P2RX7: variants seen among roughly 807,000 people sequenced by gnomAD.
P2RX7 encodes purinergic receptor P2X 7.
P2RX7 carries 62 observed loss-of-function variants against 71.6 expected under a neutral mutation model. That is an observed-to-expected ratio of 0.87 (90% confidence interval 0.71 to 1.07). The LOEUF is 1.07. Ranked by LOEUF, P2RX7 falls within the 50% of genes least tolerant of loss-of-function variation. P2RX7 has a pLI of 0.00. For synonymous variants in P2RX7, 299 were observed against 283.3 expected (o/e 1.06, Z -0.56); for missense variants, 686 against 748.5 (o/e 0.92, Z 0.97).
intron 12 of P2RX7, among the ~76,000 whole-genome samples, chr12:121,183,254 T>A (rs1328748376): frequency 1.3e-5 from 2 of 151,962 alleles, no homozygotes; most frequent in Non-Finnish European, 2.9e-5. Context: ...TTTTTATTTT[T>A]ACTTTTTAAA....
intron 1 of P2RX7, among the ~76,000 whole-genome samples, chr12:121,143,867 C>CT (rs930619804): frequency 1.1e-4 from 17 of 152,160 alleles, no homozygotes; most frequent in African/African-American, 3.9e-4. Flanking sequence ...AAGAAAGTCT[C>CT]TTTTTACAAC....
At chr12:121,180,017 T>C (rs1333317958) in intron 11 of P2RX7, among the ~76,000 whole-genome samples, 1 of 151,704 alleles carries the variant, frequency 6.6e-6, no homozygotes, top group Non-Finnish European at 1.5e-5. Flanking sequence ...GGCATGATGG[T>C]GCATGCCTGT....
In P2RX7 at chr12:121,184,429, A is replaced by G; in HGVS notation, c.1415A>G (p.Asp472Gly). ...LRKEATPRSR[D>G]SPVWCQCGSC... ...AAGGAGGCGACTCCTAGATCCAGGG[A>G]TAGCCCCGTCTGGTGCCAGTGTGGA... The change falls in exon 13 of 13, where the codon GAT becomes GGT. Residue 472 changes from aspartate (D) to glycine (G), a missense_variant. Asp to Gly is a moderately conservative substitution (Grantham distance 94). Transcript: ENST00000328963. The G allele has an allele frequency of 6.2e-7, 1 of 1,614,162 alleles. No homozygotes were observed. Among genetic ancestry groups the G allele is most frequent in the Admixed American group, 1.7e-5 (1 of 60,004 alleles).
At position 121,187,434 on chromosome 12, in the gene P2RX7, G is replaced by A. The variant is rs573562937; in HGVS notation, c.*2632G>A. ...GTGGATTACTACATATGATTTCTTT[G>A]GAGCTTACATTTCTTTACTTCACGA... On this transcript the variant is annotated 3_prime_UTR_variant, in exon 13 of 13. Transcript: ENST00000328963. The A allele has an allele frequency of 6.6e-5, 10 of 152,242 alleles. No individual in the cohort carries two copies. In the East Asian group the frequency reaches 1.7e-3, roughly 26 times the overall value. The allele number at this position is 152,242 out of a possible 1,614,324, so 9.4% of individuals were successfully genotyped here.
intron 8 of P2RX7, among the ~76,000 whole-genome samples, chr12:121,171,031 T>C (rs969537840): frequency 5.9e-5 from 9 of 152,108 alleles, no homozygotes; most frequent in African/African-American, 1.9e-4. Context: ...GTGAAGTGGA[T>C]CAGGCCACCC....
chr12:121,180,020 A>C (rs1883853409), intron 11 of P2RX7, among the ~76,000 whole-genome samples: 1 of 151,920 alleles, frequency 6.6e-6, no homozygotes, highest in Non-Finnish European at 1.5e-5. Context: ...ATGATGGTGC[A>C]TGCCTGTAAT....
Position 121,182,061 on chromosome 12 carries a change from T to TAAAAA in P2RX7, c.1290+1620_1290+1624dup, listed in dbSNP as rs57873643. On this transcript the variant is annotated intron_variant, in intron 12 of 12. Transcript: ENST00000328963. ...CCTGGGCAACAGAACAAGCTCCATC[T>TAAAAA]AAAAAAAAAAAAAAAAAAGTCTTTT... is the stretch of plus-strand genomic sequence containing the variant. Among the ~76,000 whole-genome samples the TAAAAA allele has an allele frequency of 4.8e-3, 615 of 128,912 alleles. 1 individual carries two copies. The highest frequency in any genetic ancestry group is 7.3e-3 in the Non-Finnish European group (443 of 60,530). 84.6% of individuals were successfully genotyped at this position (128,912 alleles called of 152,430 possible).
chr12:121,152,599 A>C (rs986646840), intron 1 of P2RX7, among the ~76,000 whole-genome samples: 10 of 152,132 alleles, frequency 6.6e-5, no homozygotes, highest in African/African-American at 2.4e-5. Context: ...AGCTCACCAC[A>C]ACCTCCATCT....
At chr12:121,161,277 C>T (rs940124196) in intron 4 of P2RX7, among the ~76,000 whole-genome samples, 27 of 152,208 alleles carry the variant, frequency 1.8e-4, no homozygotes, top group African/African-American at 6.0e-4. Context: ...AACTTTCCCC[C>T]TGAATTTCCT....
rs140924868 is a variant in P2RX7, at chr12:121,143,553, GA to G, written c.125+10470del. Reference sequence around the variant, plus strand: ...TGGGCGACAGAGTGAGACCCTATCTGAAAAAAAAAAAATCGGCCAGGCGCGG... The same window carrying G: ...TGGGCGACAGAGTGAGACCCTATCTGAAAAAAAAAAATCGGCCAGGCGCGG... On this transcript the variant is annotated intron_variant, in intron 1 of 12. Coordinates refer to ENST00000328963, the MANE Select transcript of P2RX7 (RefSeq NM_002562.6). Among the ~76,000 whole-genome samples the G allele has an allele frequency of 1.9e-3, 269 of 140,920 alleles. 4 individuals carry two copies. Among genetic ancestry groups the G allele is most frequent in the African/African-American group, 4.0e-3 (154 of 38,598 alleles). 92.4% of individuals were successfully genotyped at this position (140,920 alleles called of 152,430 possible). A position where few individuals can be genotyped will look rare whatever the true frequency, so the allele number is the denominator to read the frequency against.
intron 11 of P2RX7, among the ~76,000 whole-genome samples, chr12:121,180,120 G>C (rs1357151020): frequency 2.4e-5 from 3 of 125,584 alleles, no homozygotes; most frequent in African/African-American, 9.5e-5. Context: ...TTGCACTCCA[G>C]CCTGGCAACA....
intron 1 of P2RX7, among the ~76,000 whole-genome samples, chr12:121,136,889 T>G (rs1873827662): frequency 6.6e-6 from 1 of 152,084 alleles, no homozygotes; most frequent in African/African-American, 2.4e-5. Context: ...GCTCAAGCAA[T>G]CCACCCGCCT....
rs1438256129 is a variant in P2RX7 at position 121,149,406 on chromosome 12, G to A, written c.126-5379G>A. Among the ~76,000 whole-genome samples, 3 of 152,346 alleles carry A rather than the reference G, an allele frequency of 2.0e-5. No individual in the cohort carries two copies. The highest frequency in any genetic ancestry group is 7.2e-5 in the African/African-American group (3 of 41,582). On this transcript the variant is annotated intron_variant, in intron 1 of 12. Transcript: ENST00000328963. This position sits in a 1 kb window ranked among gnomAD's most constrained non-coding sequence, Gnocchi z 4.7. ...AGGAAAGAGGTTTAATGGGCCCACAGTTCCACATGGCTGGGAAGGCCTCAC... is the reference window on the plus strand; with the variant it reads ...AGGAAAGAGGTTTAATGGGCCCACAATTCCACATGGCTGGGAAGGCCTCAC...
At chr12:121,181,718 A>G (rs2567999) in intron 12 of P2RX7, among the ~76,000 whole-genome samples, 58,734 of 151,654 alleles carry the variant, frequency 0.39, 11,819 homozygotes, top group African/African-American at 0.45. Context: ...ATAGCCAGGC[A>G]TGGTGGCGGG....
intron 3 of P2RX7, 98 bp from the exon 4 acceptor site, chr12:121,160,804 A>T: frequency 3.9e-6 from 4 of 1,021,672 alleles, no homozygotes; most frequent in Non-Finnish European, 6.2e-6. Flanking sequence ...TGCTGCTATA[A>T]GCATTCGTGT....
chr12:121,162,093 G>A (rs1879838543), intron 4 of P2RX7, among the ~76,000 whole-genome samples: 1 of 152,118 alleles, frequency 6.6e-6, no homozygotes, highest in Non-Finnish European at 1.5e-5. Context: ...GCCCCTTTGA[G>A]AGGCCATGTT....
At chr12:121,175,310 C>CAAAAAAAA (rs370710698) in intron 8 of P2RX7, 78 bp from the exon 9 acceptor site, 18,215 of 457,270 alleles carry the variant, frequency 0.04, 478 homozygotes, top group South Asian at 0.049. Context: ...GACCCTGTCT[C>CAAAAAAAA]AAAAAAAAAA....
intron 11 of P2RX7, among the ~76,000 whole-genome samples, chr12:121,179,575 C>G (rs34405253): frequency 0.11 from 16,151 of 151,892 alleles, 967 homozygotes; most frequent in African/African-American, 0.17. Flanking sequence ...GTTCCAGCAG[C>G]TGATGCATAA....
chr12:121,177,369 T>A lies in P2RX7; in HGVS notation c.1111T>A (p.Cys371Ser), dbSNP rs1883331528. The change falls in exon 11 of 13, where the codon TGC (cysteine) becomes AGC (serine). Residue 371 changes from cysteine to serine, a missense_variant. By Grantham distance (112) the Cys-to-Ser change is moderately radical (BLOSUM62 -1). Coordinates refer to ENST00000328963, the MANE Select transcript of P2RX7 (RefSeq NM_002562.6). ...NCCRSHIYPW[C>S]KCCQPCVVNE... is the part of the protein sequence containing the mutation. ...CTGTCGCTCCCATATTTATCCCTGGTGCAAGTGCTGTCAGCCCTGTGTGGT... is the reference window on the plus strand; with the variant it reads ...CTGTCGCTCCCATATTTATCCCTGGAGCAAGTGCTGTCAGCCCTGTGTGGT... 6.2e-7 allele frequency: 1 copy of A among 1,614,012 alleles called. No individual in the cohort carries two copies. Among genetic ancestry groups the A allele is most frequent in the Non-Finnish European group, 8.5e-7 (1 of 1,180,020 alleles).
Sources: gnomAD v4.1 joint callset for allele counts (sites outside exome capture counted in the v4.1 genomes callset) on GRCh38, gnomAD v4.1.1 for gene constraint, Gnocchi (gnomAD v3.1) non-coding constraint, MANE v1.5 for transcripts, NCBI Gene and HGNC (gene_info 2026-07-23, HGNC 2026-07-21) for gene names.